The following EXOC6B variants were observed in gnomAD, a reference collection of about 807,000 sequenced individuals.
The protein encoded by EXOC6B is SEC15 homolog B.
A neutral mutation model predicts 113.5 loss-of-function variants in EXOC6B; 54 were observed. That is an observed-to-expected ratio of 0.48 (90% CI 0.38 to 0.60). The LOEUF is 0.60. Among genes scored for constraint, EXOC6B ranks in the 20% least tolerant of loss-of-function variants. The pLI is 0.00. For synonymous variants in EXOC6B, 357 were observed against 339.0 expected, an observed-to-expected ratio of 1.05 and a Z score of -0.58; for missense variants, 797 against 977.5, an observed-to-expected ratio of 0.82 and a Z score of 2.46.
At chr2:72,686,910 A>G (rs1303456754) in intron 6 of EXOC6B, among the ~76,000 whole-genome samples, 17 of 152,210 alleles carry the variant, frequency 1.1e-4, no homozygotes, top group South Asian at 2.1e-4. Flanking sequence ...AGGCCGAGGC[A>G]GGCAGATCAC....
rs142237230 is a variant in EXOC6B at position 72,540,703 on chromosome 2, C to T, written c.915+18750G>A. On this transcript the variant is annotated intron_variant, in intron 8 of 21. Coordinates refer to ENST00000272427, the MANE Select transcript of EXOC6B (RefSeq NM_015189.3). ...TAGAACAGGGATAAGCAAACCATGG[C>T]CCATGGATCAAACCCATTCCATTAC... 1.0e-3 allele frequency among the ~76,000 whole-genome samples: 152 copies of T among 152,224 alleles called. 1 individual carries two copies. The highest frequency in any genetic ancestry group is 3.1e-3 in the African/African-American group (129 of 41,538).
intron 6 of EXOC6B, among the ~76,000 whole-genome samples, chr2:72,645,419 T>G (rs1027834288): frequency 1.3e-5 from 2 of 152,166 alleles, no homozygotes; most frequent in African/African-American, 4.8e-5. Flanking sequence ...GGAATTGAAC[T>G]CAGCTCTGCA....
rs1012612435 is a variant in EXOC6B at position 72,439,466 on chromosome 2, C to G, written c.1980+25694G>C. Among the ~76,000 whole-genome samples, 33 of 152,286 alleles carry G rather than the reference C, an allele frequency of 2.2e-4. 1 individual carries two copies. Among genetic ancestry groups the G allele is most frequent in the African/African-American group, 7.0e-4 (29 of 41,570 alleles). ...GTCTGCCTGACTTATTTCAGAGAGA[C>G]AGTCTTTAAGCTCTGAGATTCTTTA... On this transcript the variant is annotated intron_variant, in intron 18 of 21. Coordinates refer to ENST00000272427, the MANE Select transcript of EXOC6B (RefSeq NM_015189.3).
intron 6 of EXOC6B, among the ~76,000 whole-genome samples, chr2:72,655,724 A>C (rs2104423653): frequency 6.6e-6 from 1 of 152,264 alleles, no homozygotes; most frequent in Non-Finnish European, 1.5e-5. Flanking sequence ...CAAAATAATT[A>C]TTGAAAACAT....
At chr2:72,648,063 G>C (rs1254779508) in intron 6 of EXOC6B, among the ~76,000 whole-genome samples, 1 of 152,106 alleles carries the variant, frequency 6.6e-6, no homozygotes, top group Admixed American at 6.5e-5. Flanking sequence ...AATCTACAAA[G>C]TACTTAAACA....
At chr2:72,656,062 A>C (rs1674551760) in intron 6 of EXOC6B, among the ~76,000 whole-genome samples, 2 of 152,110 alleles carry the variant, frequency 1.3e-5, no homozygotes, top group Admixed American at 1.3e-4. Flanking sequence ...TGTTGGAAAT[A>C]AAAAAATAAA....
chr2:72,371,857 G>C (rs535075049), intron 19 of EXOC6B, among the ~76,000 whole-genome samples: 4 of 151,920 alleles, frequency 2.6e-5, no homozygotes, highest in Admixed American at 6.6e-5. Flanking sequence ...AAGAAAAAAG[G>C]GTCATCCAAC....
At chr2:72,505,444 T>C (rs1162498020) in intron 11 of EXOC6B, among the ~76,000 whole-genome samples, 1 of 152,160 alleles carries the variant, frequency 6.6e-6, no homozygotes, top group Non-Finnish European at 1.5e-5. Flanking sequence ...TATCAGAGGA[T>C]CTTAATATGA....
At chr2:72,318,532 T>C (rs1687659885) in intron 20 of EXOC6B, among the ~76,000 whole-genome samples, 1 of 152,146 alleles carries the variant, frequency 6.6e-6, no homozygotes, top group South Asian at 2.1e-4. Flanking sequence ...TAGCTGGGAC[T>C]ACAGGTGCAT....
At chr2:72,548,580 A>G (rs1317225098) in intron 8 of EXOC6B, among the ~76,000 whole-genome samples, 1 of 152,182 alleles carries the variant, frequency 6.6e-6, no homozygotes, top group Non-Finnish European at 1.5e-5. Flanking sequence ...CCCAGCCCTG[A>G]TATTGTGTAA....
At chr2:72,403,002 A>C (rs1693444242) in intron 18 of EXOC6B, among the ~76,000 whole-genome samples, 1 of 152,206 alleles carries the variant, frequency 6.6e-6, no homozygotes, top group Non-Finnish European at 1.5e-5. Context: ...AAAAACCAAA[A>C]ACAACAAAAC....
chr2:72,591,111 G>A (rs967928146), intron 6 of EXOC6B, among the ~76,000 whole-genome samples: 7 of 152,160 alleles, frequency 4.6e-5, no homozygotes, highest in African/African-American at 1.7e-4. Context: ...TAGTACAAAT[G>A]TGTCACAAAA....
At chr2:72,260,214 T>G (rs998869812) in intron 20 of EXOC6B, among the ~76,000 whole-genome samples, 7 of 152,124 alleles carry the variant, frequency 4.6e-5, no homozygotes, top group Non-Finnish European at 8.8e-5. Context: ...ATTATAGAAA[T>G]GTAGCTATAT....
chr2:72,697,637 T>C (rs1442175542), intron 6 of EXOC6B, among the ~76,000 whole-genome samples: 5 of 152,114 alleles, frequency 3.3e-5, no homozygotes, highest in East Asian at 3.9e-4. Flanking sequence ...TAAGCCAAGA[T>C]TGTACCACTG....
chr2:72,368,430 G>C (rs933155691), intron 19 of EXOC6B, among the ~76,000 whole-genome samples: 1 of 151,426 alleles, frequency 6.6e-6, no homozygotes, highest in South Asian at 2.1e-4. Context: ...AATTCTACCA[G>C]AGGTACAAGG....
intron 6 of EXOC6B, among the ~76,000 whole-genome samples, chr2:72,666,780 GACAC>G (rs71404724): frequency 0.03 from 2,401 of 81,160 alleles, 57 homozygotes; most frequent in African/African-American, 0.054. Context: ...ATTTACAATA[GACAC>G]ACACACACAC....
rs369366323 is a variant in EXOC6B, at chr2:72,648,314, G to A, written c.669+69789C>T. On this transcript the variant is annotated intron_variant, in intron 6 of 21. Coordinates refer to ENST00000272427, the MANE Select transcript of EXOC6B (RefSeq NM_015189.3). ...AGAGAGGATGTGGATAAATAGGAAC[G>A]CTTTTACACCGTTGGTGGGAGTATA... Among the ~76,000 whole-genome samples, 271 of 152,288 alleles carry A rather than the reference G, an allele frequency of 1.8e-3. 3 individuals carry two copies. Among genetic ancestry groups the A allele is most frequent in the Non-Finnish European group, 2.2e-3 (149 of 68,024 alleles).
chr2:72,745,799 A>G (rs1419830987), intron 1 of EXOC6B, among the ~76,000 whole-genome samples: 1 of 152,188 alleles, frequency 6.6e-6, no homozygotes, highest in Non-Finnish European at 1.5e-5. Flanking sequence ...GCTAACCAAC[A>G]TATCCATCAG....
At chr2:72,238,290 G>A (rs886855864) in intron 20 of EXOC6B, among the ~76,000 whole-genome samples, 5 of 151,988 alleles carry the variant, frequency 3.3e-5, no homozygotes, top group Admixed American at 2.6e-4. Context: ...TGAATATTTT[G>A]TTTTTCCATT....
Sources: allele counts gnomAD v4.1 joint callset (sites outside exome capture counted in the v4.1 genomes callset), GRCh38; gene constraint gnomAD v4.1.1; transcripts MANE v1.5; gene names NCBI Gene and HGNC (gene_info 2026-07-23, HGNC 2026-07-21).